The following MLLT3 variants were observed in gnomAD, a reference collection of about 807,000 sequenced individuals.
MLLT3 encodes the protein protein AF-9.
A neutral mutation model predicts 53.2 loss-of-function variants in MLLT3; 4 were observed. The ratio of observed to expected loss-of-function variants is 0.08; its 90% CI spans 0.04 to 0.17. The LOEUF is 0.17. Among genes scored for constraint, MLLT3 ranks in the 10% least tolerant of loss-of-function variants. The pLI, the probability that MLLT3 is intolerant of heterozygous loss-of-function variation, is 1.00. For missense variants in MLLT3, 569 were observed against 684.0 expected, an observed-to-expected ratio of 0.83 and a Z score of 1.87; for synonymous variants, 283 against 230.6, an observed-to-expected ratio of 1.23 and a Z score of -2.06.
chr9:20,481,142 T>C (rs115595851), intron 2 of MLLT3, among the ~76,000 whole-genome samples: 2,316 of 152,252 alleles, frequency 0.015, 57 homozygotes, highest in African/African-American at 0.052. Flanking sequence ...GGCAAACTAT[T>C]GCCAGTCCCA....
chr9:20,555,047 G>T (rs1212812385), intron 2 of MLLT3, among the ~76,000 whole-genome samples: 1 of 152,072 alleles, frequency 6.6e-6, no homozygotes, highest in African/African-American at 2.4e-5. Flanking sequence ...TAGTCAGCTG[G>T]TGTCGAATTA....
intron 9 of MLLT3, among the ~76,000 whole-genome samples, chr9:20,353,922 G>GT (rs1412243939): frequency 6.6e-6 from 1 of 151,732 alleles, no homozygotes; most frequent in Non-Finnish European, 1.5e-5. Context: ...ATGCTAAATT[G>GT]TGAGTTTAAA....
intron 5 of MLLT3, among the ~76,000 whole-genome samples, chr9:20,370,381 C>T (rs1320259181): frequency 2.0e-5 from 3 of 152,114 alleles, no homozygotes; most frequent in Non-Finnish European, 4.4e-5. Flanking sequence ...AACTGCTCCA[C>T]CAACCTGTCA....
chr9:20,387,471 C>G (rs146697635), intron 5 of MLLT3, among the ~76,000 whole-genome samples: 1 of 152,048 alleles, frequency 6.6e-6, no homozygotes, highest in African/African-American at 2.4e-5. Context: ...TTTGTTTTTG[C>G]GGTCGTGGAG....
At chr9:20,518,400 A>G (rs1817970991) in intron 2 of MLLT3, among the ~76,000 whole-genome samples, 2 of 152,186 alleles carry the variant, frequency 1.3e-5, no homozygotes, top group Admixed American at 6.5e-5. Context: ...CAGAAAAATT[A>G]TAATTAACAA....
At chr9:20,570,729 G>C (rs544181313) in intron 2 of MLLT3, among the ~76,000 whole-genome samples, 2 of 148,434 alleles carry the variant, frequency 1.3e-5, no homozygotes, top group African/African-American at 5.3e-5. Context: ...AGAAATTCTG[G>C]AAATTCCTAG....
chr9:20,482,512 C>T (rs961781159), intron 2 of MLLT3, among the ~76,000 whole-genome samples: 8 of 152,062 alleles, frequency 5.3e-5, no homozygotes, highest in South Asian at 4.1e-4. Flanking sequence ...TCTAGAATGG[C>T]GAGTAAAATC....
intron 2 of MLLT3, among the ~76,000 whole-genome samples, chr9:20,583,882 C>G (rs1237453925): frequency 3.9e-5 from 6 of 152,188 alleles, no homozygotes; most frequent in Admixed American, 3.9e-4. Context: ...TCCCCATGGT[C>G]TTGGGGATTA....
Position 20,480,385 on chromosome 9 carries a change from T to C in MLLT3, c.194-23599A>G, listed in dbSNP as rs560806938. 3.3e-5 allele frequency among the ~76,000 whole-genome samples: 5 copies of C among 152,320 alleles called. No individual in the cohort carries two copies. The South Asian group carries it at 8.3e-4, about 25-fold the overall frequency. ...CTTATTCGTGGCTTCTTGCCTTTCA[T>C]AGGAAGGCTTCCAGTTCTGGAAGTT... On this transcript the variant is annotated intron_variant, in intron 2 of 10. Transcript: ENST00000380338.
chr9:20,442,712 C>T (rs545506905), intron 4 of MLLT3, among the ~76,000 whole-genome samples: 9 of 152,128 alleles, frequency 5.9e-5, no homozygotes, highest in Non-Finnish European at 1.2e-4. Context: ...CAAAACCCCT[C>T]GCTGGAGGTC....
intron 2 of MLLT3, among the ~76,000 whole-genome samples, chr9:20,503,409 A>C (rs999116232): frequency 1.3e-5 from 2 of 152,214 alleles, no homozygotes; most frequent in Admixed American, 6.5e-5. Context: ...CAGTCAATTG[A>C]TTTTCAACAA....
At position 20,345,257 on chromosome 9, in the gene MLLT3, T is replaced by C. The variant is rs747084763; in HGVS notation, c.*1186A>G. On this transcript the variant is annotated 3_prime_UTR_variant, in exon 11 of 11. Transcript: ENST00000380338. ...ACCACTGAATCTACAAGTTAATACA[T>C]AATCTGTTATGGCAGAATAACCAAG... 1.4e-4 allele frequency: 30 copies of C among 218,592 alleles called. No homozygotes were observed. The highest frequency in any genetic ancestry group is 2.4e-4 in the Non-Finnish European group (26 of 108,842). The allele number at this position is 218,592 out of a possible 1,614,324, so 13.5% of individuals were successfully genotyped here.
chr9:20,587,681 T>C (rs182937408), intron 2 of MLLT3, among the ~76,000 whole-genome samples: 303 of 152,322 alleles, frequency 2.0e-3, no homozygotes, highest in African/African-American at 6.1e-3. Flanking sequence ...CACTTGTTGA[T>C]GGGGTTGTTT....
chr9:20,570,096 A>G (rs1819492075), intron 2 of MLLT3, among the ~76,000 whole-genome samples: 2 of 152,164 alleles, frequency 1.3e-5, no homozygotes. Context: ...ACTTTATTGG[A>G]CTTTCAGATG....
chr9:20,450,380 T>C (rs1309967270), intron 3 of MLLT3, among the ~76,000 whole-genome samples: 1 of 152,188 alleles, frequency 6.6e-6, no homozygotes, highest in Non-Finnish European at 1.5e-5. Context: ...AAAAATCAGA[T>C]TACAGCTTTC....
At chr9:20,530,920 C>T (rs535944351) in intron 2 of MLLT3, among the ~76,000 whole-genome samples, 4 of 151,012 alleles carry the variant, frequency 2.6e-5, no homozygotes, top group Middle Eastern at 3.4e-3. Flanking sequence ...TGTGAGCCAT[C>T]GTGCCTGGCG....
At chr9:20,546,819 G>A (rs1440587045) in intron 2 of MLLT3, among the ~76,000 whole-genome samples, 2 of 152,250 alleles carry the variant, frequency 1.3e-5, no homozygotes, top group Non-Finnish European at 2.9e-5. Flanking sequence ...CTTTGTTTCG[G>A]GTTGAACGAA....
At chr9:20,442,887 C>T (rs1823590198) in intron 4 of MLLT3, among the ~76,000 whole-genome samples, 3 of 152,162 alleles carry the variant, frequency 2.0e-5, no homozygotes, top group East Asian at 1.9e-4. Context: ...CCCATGTCTT[C>T]TCCAGCAAAT....
chr9:20,431,262 C>T (rs1310523029), intron 4 of MLLT3, among the ~76,000 whole-genome samples: 1 of 152,014 alleles, frequency 6.6e-6, no homozygotes, highest in East Asian at 1.9e-4. Flanking sequence ...TACCTAGATG[C>T]TTATTAGAAA....
Sources: allele counts gnomAD v4.1 joint callset (sites outside exome capture counted in the v4.1 genomes callset), GRCh38; gene constraint gnomAD v4.1.1; transcripts MANE v1.5; gene names NCBI Gene and HGNC (gene_info 2026-07-23, HGNC 2026-07-21).